DOK6: variants seen among roughly 807,000 people sequenced by gnomAD.
The protein encoded by DOK6 is docking protein 6.
Under a neutral mutation model 44.0 loss-of-function variants are expected in DOK6, and 22 were observed. That is an observed-to-expected ratio of 0.50 (90% CI 0.36 to 0.71). The LOEUF (loss-of-function observed/expected upper bound fraction) is 0.71. DOK6 is among the 30% of genes least tolerant of loss of function. The pLI is 0.00. For missense variants in DOK6, 340 were observed against 416.4 expected (o/e 0.82, Z 1.60); for synonymous variants, 166 against 145.5 (o/e 1.14, Z -1.01).
intron 1 of DOK6, among the ~76,000 whole-genome samples, chr18:69,446,036 TTC>T (rs1979278390): frequency 6.8e-6 from 1 of 147,728 alleles, no homozygotes; most frequent in Admixed American, 6.7e-5. Flanking sequence ...GTATTTATAT[TTC>T]TTTTTTTATT....
chr18:69,739,205 G>A, intron 6 of DOK6, 102 bp downstream of exon 6: 2 of 1,496,096 alleles, frequency 1.3e-6, no homozygotes, highest in Non-Finnish European at 1.8e-6. Context: ...GCGCCTGGGT[G>A]TCCACCCTGC....
At chr18:69,621,286 A>G (rs1984433164) in intron 3 of DOK6, among the ~76,000 whole-genome samples, 2 of 152,164 alleles carry the variant, frequency 1.3e-5, no homozygotes, top group Non-Finnish European at 2.9e-5. Context: ...GGGTAATTAT[A>G]GAATGTACTA....
intron 1 of DOK6, among the ~76,000 whole-genome samples, chr18:69,424,761 T>C (rs1978591608): frequency 6.6e-6 from 1 of 152,192 alleles, no homozygotes; most frequent in Admixed American, 6.6e-5. Flanking sequence ...TTAATCCTTA[T>C]TTCAGGGTTT....
At position 69,463,768 on chromosome 18, in the gene DOK6, CAT is replaced by C. The variant is rs1491474220; in HGVS notation, c.66+62459_66+62460del. 2.0e-5 allele frequency among the ~76,000 whole-genome samples: 3 copies of C among 151,168 alleles called. No individual in the cohort carries two copies. The East Asian group carries it at 5.8e-4, about 29-fold the overall frequency. ...ATGCATGTTTGTGTGTGTCTGTGTGCATGTGTGTGTGTGTCTGTGCAAATGTG... is the reference window on the plus strand; with the variant it reads ...ATGCATGTTTGTGTGTGTCTGTGTGCGTGTGTGTGTGTCTGTGCAAATGTG... On this transcript the variant is annotated intron_variant, in intron 1 of 7. Coordinates refer to ENST00000382713, the MANE Select transcript of DOK6 (RefSeq NM_152721.6).
intron 1 of DOK6, among the ~76,000 whole-genome samples, chr18:69,506,834 C>T (rs1191629855): frequency 6.6e-6 from 1 of 151,634 alleles, no homozygotes; most frequent in African/African-American, 2.4e-5. Flanking sequence ...TAAATGATGG[C>T]AACATTTTGA....
chr18:69,844,628 G>A lies in DOK6; in HGVS notation c.*3245G>A, dbSNP rs1420505944. ...CACTTACTTATTGAACAAACAATAAGCACTCAGAACTAATTTATTTATGCA... is the reference window on the plus strand; with the variant it reads ...CACTTACTTATTGAACAAACAATAAACACTCAGAACTAATTTATTTATGCA... On this transcript the variant is annotated 3_prime_UTR_variant, in exon 8 of 8. Transcript: ENST00000382713. 1.3e-5 allele frequency: 2 copies of A among 152,088 alleles called. No homozygotes were observed. The highest frequency in any genetic ancestry group is 1.3e-4 in the Admixed American group (2 of 15,266). The allele number at this position is 152,088 out of a possible 1,614,324, so 9.4% of individuals were successfully genotyped here. A position where few individuals can be genotyped will look rare whatever the true frequency, so the allele number is the denominator to read the frequency against.
rs1428317323 is a variant in DOK6, at chr18:69,410,047, A to G, written c.66+8737A>G. ...AAGTCTCCTAAACCAAAGTACACCTAGTACCAAGTCATGATACTGAATTTA... is the reference window on the plus strand; with the variant it reads ...AAGTCTCCTAAACCAAAGTACACCTGGTACCAAGTCATGATACTGAATTTA... On this transcript the variant is annotated intron_variant, in intron 1 of 7. Coordinates refer to ENST00000382713, the MANE Select transcript of DOK6 (RefSeq NM_152721.6). 3.9e-5 allele frequency among the ~76,000 whole-genome samples: 6 copies of G among 152,216 alleles called. No individual in the cohort carries two copies. In the East Asian group the frequency reaches 7.7e-4, roughly 20 times the overall value.
chr18:69,405,486 G>A (rs954943940), intron 1 of DOK6, among the ~76,000 whole-genome samples: 2 of 152,084 alleles, frequency 1.3e-5, no homozygotes, highest in Non-Finnish European at 2.9e-5. Flanking sequence ...AGGCTGAGGT[G>A]CGAGAATTGC....
chr18:69,475,968 T>TG (rs1358073054), intron 1 of DOK6, among the ~76,000 whole-genome samples: 1 of 150,520 alleles, frequency 6.6e-6, no homozygotes, highest in Non-Finnish European at 1.5e-5. Flanking sequence ...TGCTGAAGTT[T>TG]GGAGTATGAC....
intron 7 of DOK6, among the ~76,000 whole-genome samples, chr18:69,785,442 T>G (rs2145093099): frequency 6.6e-6 from 1 of 152,324 alleles, no homozygotes; most frequent in Non-Finnish European, 1.5e-5. Flanking sequence ...AATAAAAACC[T>G]ATGACCCTCG....
chr18:69,801,592 G>C (rs924216041), intron 7 of DOK6, among the ~76,000 whole-genome samples: 1 of 152,056 alleles, frequency 6.6e-6, no homozygotes, highest in Admixed American at 6.6e-5. Context: ...GACTCCCTTT[G>C]GTCATTGTGT....
rs867221808 is a variant in DOK6, at chr18:69,843,336, T to G, written c.*1953T>G. The G allele has an allele frequency of 6.6e-6, 1 of 152,268 alleles. No individual in the cohort carries two copies. The highest frequency in any genetic ancestry group is 1.5e-5 in the Non-Finnish European group (1 of 68,056). The allele number at this position is 152,268 out of a possible 1,614,324, so 9.4% of individuals were successfully genotyped here. ...GGGTTAAACACTTGTGAATTTCTTT[T>G]GCACATGGCATTTGCTTTTGAAATG... On this transcript the variant is annotated 3_prime_UTR_variant, in exon 8 of 8. Transcript: ENST00000382713.
intron 7 of DOK6, among the ~76,000 whole-genome samples, chr18:69,764,666 T>C (rs1356091698): frequency 6.6e-6 from 1 of 152,206 alleles, no homozygotes; most frequent in Non-Finnish European, 1.5e-5. Flanking sequence ...TATAAATTAC[T>C]CAGTTTCAGG....
chr18:69,641,099 C>T (rs185863779), intron 3 of DOK6, among the ~76,000 whole-genome samples: 20 of 152,016 alleles, frequency 1.3e-4, no homozygotes, highest in Admixed American at 1.3e-3. Context: ...GCCTGTAGTC[C>T]CAGTTACTCG....
At chr18:69,664,178 G>A (rs1361100258) in intron 3 of DOK6, among the ~76,000 whole-genome samples, 3 of 152,138 alleles carry the variant, frequency 2.0e-5, no homozygotes, top group African/African-American at 7.2e-5. Flanking sequence ...AAAGTAACCA[G>A]CTGGTTTATT....
At chr18:69,723,278 C>T (rs750518802) in intron 5 of DOK6, among the ~76,000 whole-genome samples, 1 of 152,186 alleles carries the variant, frequency 6.6e-6, no homozygotes, top group Non-Finnish European at 1.5e-5. Flanking sequence ...CAACACCTTC[C>T]ACTGCACAAG....
rs1983517448 is a variant in DOK6, at chr18:69,586,973, GAATAAGCAGGGATGTATCCC to G, written c.175-12410_175-12391del. 2.0e-5 allele frequency among the ~76,000 whole-genome samples: 3 copies of G among 152,166 alleles called. No homozygotes were observed. The South Asian group carries it at 6.2e-4, about 32-fold the overall frequency. On this transcript the variant is annotated intron_variant, in intron 2 of 7. Coordinates refer to ENST00000382713, the MANE Select transcript of DOK6 (RefSeq NM_152721.6). Reference sequence around the variant, plus strand: ...ATATTTAATGCCTTCAGGTGACACTGAATAAGCAGGGATGTATCCCTTGCTTTTAAAGAAACAAATATCTT... The same window carrying G: ...ATATTTAATGCCTTCAGGTGACACTGTTGCTTTTAAAGAAACAAATATCTT...
At chr18:69,643,636 A>G (rs943359937) in intron 3 of DOK6, 1 of 152,170 alleles carries the variant, frequency 6.6e-6, no homozygotes, top group African/African-American at 2.4e-5. Flanking sequence ...GTTACATCAC[A>G]ATGTATTTAA....
At chr18:69,449,747 T>C (rs543931583) in intron 1 of DOK6, among the ~76,000 whole-genome samples, 1 of 151,794 alleles carries the variant, frequency 6.6e-6, no homozygotes, top group East Asian at 2.0e-4. Context: ...AGTGGGTCCC[T>C]GACCCCTGAC....
Sources: allele counts gnomAD v4.1 joint callset (sites outside exome capture counted in the v4.1 genomes callset), GRCh38; gene constraint gnomAD v4.1.1; transcripts MANE v1.5; gene names NCBI Gene and HGNC (gene_info 2026-07-23, HGNC 2026-07-21).